The following GALNT14 variants were observed in gnomAD, a reference collection of about 807,000 sequenced individuals.
The protein encoded by GALNT14 is UDP-GalNAc:polypeptide N-acetylgalactosaminyltransferase 14.
A neutral mutation model predicts 77.5 loss-of-function variants in GALNT14; 60 were observed. The ratio of observed to expected loss-of-function variants is 0.77; its 90% confidence interval spans 0.63 to 0.96. The LOEUF (loss-of-function observed/expected upper bound fraction) is 0.96. Ranked by LOEUF, GALNT14 falls within the 40% of genes least tolerant of loss-of-function variation. The pLI, the probability that GALNT14 is intolerant of heterozygous loss-of-function variation, is 0.00. For missense variants in GALNT14, 710 were observed against 731.0 expected, an observed-to-expected ratio of 0.97 and a Z score of 0.33; for synonymous variants, 280 against 281.7, an observed-to-expected ratio of 0.99 and a Z score of 0.06.
intron 1 of GALNT14, among the ~76,000 whole-genome samples, chr2:31,015,716 A>G (rs1021235518): frequency 3.3e-5 from 5 of 152,224 alleles, no homozygotes; most frequent in African/African-American, 1.2e-4. Flanking sequence ...TTTGCCAAAA[A>G]CACGTAGCTT....
chr2:31,035,251 T>C (rs1672643256), intron 1 of GALNT14, among the ~76,000 whole-genome samples: 1 of 152,182 alleles, frequency 6.6e-6, no homozygotes, highest in Admixed American at 6.5e-5. Context: ...TTAAATTCAA[T>C]TTTTGCTTCA....
chr2:30,990,440 C>T (rs1187195067), intron 2 of GALNT14, among the ~76,000 whole-genome samples: 3 of 152,156 alleles, frequency 2.0e-5, no homozygotes, highest in Non-Finnish European at 2.9e-5. Flanking sequence ...ATGACTCCAA[C>T]CTAGAGTCAG....
At chr2:31,039,818 G>GCAAT (rs1414744155) in intron 1 of GALNT14, among the ~76,000 whole-genome samples, 1 of 152,152 alleles carries the variant, frequency 6.6e-6, no homozygotes, top group Non-Finnish European at 1.5e-5. Context: ...AGATGTTCAT[G>GCAAT]CAATAGTCTA....
At chr2:31,133,892 T>C (rs965491412) in intron 1 of GALNT14, among the ~76,000 whole-genome samples, 3 of 152,212 alleles carry the variant, frequency 2.0e-5, no homozygotes, top group Non-Finnish European at 2.9e-5. Flanking sequence ...CGTTAAAAAG[T>C]CAAATTTAAA....
intron 2 of GALNT14, among the ~76,000 whole-genome samples, chr2:30,987,801 C>T (rs1205341306): frequency 6.6e-6 from 1 of 151,016 alleles, no homozygotes; most frequent in African/African-American, 2.4e-5. Flanking sequence ...CACCCCAACA[C>T]CCGCCCTCCT....
chr2:30,924,094 C>T (rs1440654404), intron 13 of GALNT14, 25 bp downstream of exon 13: 1 of 1,614,088 alleles, frequency 6.2e-7, no homozygotes, highest in Admixed American at 1.7e-5. Context: ...ACACATGGTC[C>T]TGTATGCCCA....
chr2:31,018,089 G>A (rs1671490819), intron 1 of GALNT14, among the ~76,000 whole-genome samples: 1 of 152,196 alleles, frequency 6.6e-6, no homozygotes, highest in South Asian at 2.1e-4. Context: ...ACAAGAAAGG[G>A]GCCTGATGAT....
At chr2:31,127,502 A>G (rs112926057) in intron 1 of GALNT14, among the ~76,000 whole-genome samples, 19 of 152,370 alleles carry the variant, frequency 1.2e-4, no homozygotes, top group African/African-American at 4.3e-4. Flanking sequence ...CTACAACTGC[A>G]GAGTTGAATA....
At chr2:31,096,920 T>C (rs1677030219) in intron 1 of GALNT14, among the ~76,000 whole-genome samples, 1 of 152,136 alleles carries the variant, frequency 6.6e-6, no homozygotes, top group Admixed American at 6.6e-5. Flanking sequence ...CCCACTTTAC[T>C]TTGGATTCCC....
intron 1 of GALNT14, among the ~76,000 whole-genome samples, chr2:31,001,768 T>C (rs1321298651): frequency 6.6e-6 from 1 of 151,786 alleles, no homozygotes; most frequent in Non-Finnish European, 1.5e-5. Context: ...GAATAAGGCA[T>C]AACTGTAGAT....
chr2:31,038,710 A>C (rs1490500919), intron 1 of GALNT14, among the ~76,000 whole-genome samples: 1 of 150,910 alleles, frequency 6.6e-6, no homozygotes, highest in African/African-American at 2.4e-5. Flanking sequence ...GCAAGTTAAA[A>C]TCCCACGAAG....
At chr2:30,926,932 C>A (rs1285731283) in intron 11 of GALNT14, among the ~76,000 whole-genome samples, 3 of 152,126 alleles carry the variant, frequency 2.0e-5, no homozygotes, top group Admixed American at 1.3e-4. Flanking sequence ...ATGGAAAAGA[C>A]AGAGCATGGA....
chr2:30,992,815 A>G (rs1669787973), intron 2 of GALNT14, 23 bp downstream of exon 2: 1 of 1,609,408 alleles, frequency 6.2e-7, no homozygotes, highest in African/African-American at 1.3e-5. Context: ...CGGGGGTAAC[A>G]GAGTGGGAGA....
Position 30,924,820 on chromosome 2 carries a change from A to C in GALNT14, c.1155T>G (p.Val385=). The part of the protein sequence containing the change: ...PFALERPFGN[V]ESRLDLRKNL... The stretch of plus-strand genomic sequence containing the variant: ...TCTTCCTCAGGTCCAATCTGCTCTC[A>C]ACACTGGGGGCAACGGGGTTGTGGA... The change falls in exon 12 of 15, where the codon GTT becomes GTG. Residue 385 remains valine (V), a synonymous_variant. Transcript: ENST00000349752. 6.2e-7 allele frequency: 1 copy of C among 1,613,642 alleles called. No homozygotes were observed. Among genetic ancestry groups the C allele is most frequent in the Non-Finnish European group, 8.5e-7 (1 of 1,179,868 alleles).
At position 30,945,676 on chromosome 2, in the gene GALNT14, T is replaced by C. The variant is rs555856028; in HGVS notation, c.742+107A>G. ...TTATAGTGCAGGTTGCAGGCTGAGC[T>C]TTCTCGACAAGCAACTAAGAGCTTT... On this transcript the variant is annotated intron_variant, in intron 7 of 14. Coordinates refer to ENST00000349752, the MANE Select transcript of GALNT14 (RefSeq NM_024572.4). 7.8e-6 allele frequency: 7 copies of C among 896,106 alleles called. No individual in the cohort carries two copies. In the East Asian group the frequency reaches 1.3e-4, roughly 16 times the overall value. The allele number at this position is 896,106 out of a possible 1,614,324, so 55.5% of individuals were successfully genotyped here.
downstream of GALNT14, among the ~76,000 whole-genome samples, chr2:30,909,876 A>G (rs909367482): frequency 1.3e-5 from 2 of 152,008 alleles, no homozygotes; most frequent in African/African-American, 2.4e-5. Flanking sequence ...AATACTATGC[A>G]GCCATAAAAA....
At chr2:31,063,408 C>T (rs996633284) in intron 1 of GALNT14, among the ~76,000 whole-genome samples, 2 of 152,006 alleles carry the variant, frequency 1.3e-5, no homozygotes, top group African/African-American at 4.8e-5. Flanking sequence ...TATTCTGTTC[C>T]ATTGGTCTAT....
intron 1 of GALNT14, among the ~76,000 whole-genome samples, chr2:31,116,902 G>A (rs187054540): frequency 6.6e-6 from 1 of 152,052 alleles, no homozygotes; most frequent in East Asian, 1.9e-4. Flanking sequence ...GCCAGGTGTG[G>A]GGCGCATGCC....
intron 2 of GALNT14, among the ~76,000 whole-genome samples, chr2:30,970,109 C>T (rs781279187): frequency 1.2e-4 from 19 of 152,138 alleles, no homozygotes; most frequent in African/African-American, 2.2e-4. Flanking sequence ...TTTTTAGCAT[C>T]GGCCCAAATC....
Sources: gnomAD v4.1 joint callset for allele counts (sites outside exome capture counted in the v4.1 genomes callset) on GRCh38, gnomAD v4.1.1 for gene constraint, MANE v1.5 for transcripts, NCBI Gene and HGNC (gene_info 2026-07-23, HGNC 2026-07-21) for gene names.